The following DNPEP variants were observed in gnomAD, a reference collection of about 807,000 sequenced individuals.
The protein encoded by DNPEP is aspartyl aminopeptidase.
A neutral mutation model predicts 59.1 loss-of-function variants in DNPEP; 46 were observed. The ratio of observed to expected loss-of-function variants is 0.78; its 90% CI spans 0.61 to 0.99. The LOEUF is 0.99. Among genes scored for constraint, DNPEP ranks in the 50% least tolerant of loss-of-function variants. The pLI is 0.00. For synonymous variants in DNPEP, 229 were observed against 242.2 expected, an observed-to-expected ratio of 0.95 and a Z score of 0.50; for missense variants, 617 against 649.9, an observed-to-expected ratio of 0.95 and a Z score of 0.55.
At chr2:219,374,758 CCAGT>C in intron 14 of DNPEP, 93 bp downstream of exon 14, 1 of 1,420,824 alleles carries the variant, frequency 7.0e-7, no homozygotes, top group Non-Finnish European at 9.6e-7. Flanking sequence ...ATTACTCAGG[CCAGT>C]CACTTTGTGA....
At position 219,382,111 on chromosome 2, in the gene DNPEP, T is replaced by A. The variant is rs570417572; in HGVS notation, c.965A>T (p.Gln322Leu). The change falls in exon 11 of 15, where the codon CAG becomes CTG. Residue 322 changes from glutamine (Q) to leucine (L), a missense_variant. Coordinates refer to ENST00000273075, the MANE Select transcript of DNPEP (RefSeq NM_012100.4). ...EVGSESAQGA[Q>L]SLLTELVLRR... ...CAGCACCAGCTCTGTCAGCAGTGAC[T>A]GTGCTCCCTGTGCACTCTCAGACCC... 3.7e-6 allele frequency: 6 copies of A among 1,612,530 alleles called. No individual in the cohort carries two copies. In the African/African-American group the frequency reaches 8.0e-5, roughly 21 times the overall value.
chr2:219,381,000 G>A (rs960993774), intron 13 of DNPEP, among the ~76,000 whole-genome samples: 2 of 152,160 alleles, frequency 1.3e-5, no homozygotes, highest in African/African-American at 4.8e-5. Flanking sequence ...TGGGGGTGCT[G>A]CAGGGAAAGA....
chr2:219,374,017 C>A lies in DNPEP; in HGVS notation c.*275G>T. 1 of 431,786 alleles carries A rather than the reference C, an allele frequency of 2.3e-6. No individual in the cohort carries two copies. The highest frequency in any genetic ancestry group is 4.2e-6 in the Non-Finnish European group (1 of 238,280). The allele number at this position is 431,786 out of a possible 1,614,324, so 26.7% of individuals were successfully genotyped here. A position where few individuals can be genotyped will look rare whatever the true frequency, so the allele number is the denominator to read the frequency against. ...CTTCTGCTTGAGGATCCAGTCCACCCTTCACCCACTTCAGACATGGACTTG... is the reference window on the plus strand; with the variant it reads ...CTTCTGCTTGAGGATCCAGTCCACCATTCACCCACTTCAGACATGGACTTG... On this transcript the variant is annotated 3_prime_UTR_variant, in exon 15 of 15. Coordinates refer to ENST00000273075, the MANE Select transcript of DNPEP (RefSeq NM_012100.4).
intron 11 of DNPEP, 172 bp downstream of exon 11, chr2:219,381,807 C>T: frequency 1.1e-6 from 1 of 893,604 alleles, no homozygotes; most frequent in East Asian, 2.6e-5. Flanking sequence ...TTAGGCATTG[C>T]ATGACTTTGA....
At chr2:219,374,371 A>G (rs764415458) in intron 14 of DNPEP, 29 bp from the exon 15 acceptor site, 17 of 1,605,266 alleles carry the variant, frequency 1.1e-5, no homozygotes. Flanking sequence ...TGGAGTTTGG[A>G]ATTAGTGAGT....
At chr2:219,380,991 G>T (rs921920085) in intron 13 of DNPEP, among the ~76,000 whole-genome samples, 1 of 150,256 alleles carries the variant, frequency 6.7e-6, no homozygotes, top group Admixed American at 6.6e-5. Flanking sequence ...CAGGGGAAGT[G>T]GGGGTGCTGC....
In DNPEP at chr2:219,373,889, C is replaced by CAGGA. The variant is rs1574965549; in HGVS notation, c.*399_*402dup. On this transcript the variant is annotated 3_prime_UTR_variant, in exon 15 of 15. Transcript: ENST00000273075. Reference sequence around the variant, plus strand: ...GCTCTGAAGGTGGCCCAGTGCAGAACAGGATCTCTGAAGGCAGAGCGGGAC... The same window carrying CAGGA: ...GCTCTGAAGGTGGCCCAGTGCAGAACAGGAAGGATCTCTGAAGGCAGAGCGGGAC... 9.3e-6 allele frequency: 2 copies of CAGGA among 215,780 alleles called. No individual in the cohort carries two copies. The highest frequency in any genetic ancestry group is 2.1e-4 in the East Asian group (2 of 9,378). 13.4% of individuals were successfully genotyped at this position (215,780 alleles called of 1,614,324 possible).
At chr2:219,379,251 A>G (rs74347972) in intron 13 of DNPEP, among the ~76,000 whole-genome samples, 7 of 139,438 alleles carry the variant, frequency 5.0e-5, no homozygotes, top group Admixed American at 2.8e-4. Flanking sequence ...TACTTATTAG[A>G]AAAAAAAAAA....
chr2:219,383,166 G>A lies in DNPEP; in HGVS notation c.901C>T (p.His301Tyr). Reference sequence around the variant, plus strand: ...TCATAGAGTGTGACCATGCGCACGTGAGGCTCTGTGGCCAGGGAGCCAGGG... The same window carrying A: ...TCATAGAGTGTGACCATGCGCACGTAAGGCTCTGTGGCCAGGGAGCCAGGG... Reference protein sequence around the residue: ...AGPGSLATEPHVRMVTLYDNE... With the variant: ...AGPGSLATEPYVRMVTLYDNE... Residue 301 changes from histidine (H) to tyrosine (Y), a missense_variant, in exon 10 of 15, where the codon CAC becomes TAC. Transcript: ENST00000273075. The A allele has an allele frequency of 1.2e-6, 2 of 1,614,214 alleles. No homozygotes were observed. Among genetic ancestry groups the A allele is most frequent in the East Asian group, 2.2e-5 (1 of 44,878 alleles).
At chr2:219,380,194 TTTC>T (rs1953530580) in intron 13 of DNPEP, among the ~76,000 whole-genome samples, 1 of 123,168 alleles carries the variant, frequency 8.1e-6, no homozygotes, top group Non-Finnish European at 1.6e-5. Flanking sequence ...AACTTTTCTT[TTTC>T]TTTTCTTTTT....
At chr2:219,386,243 A>G (rs1574989216) in intron 5 of DNPEP, 43 bp downstream of exon 5, 1 of 1,613,586 alleles carries the variant, frequency 6.2e-7, no homozygotes. Flanking sequence ...TGTGGCAGTC[A>G]GTCTTCTGAG....
chr2:219,380,842 T>TACACACACACACACACACACACAC (rs58867229), intron 13 of DNPEP, among the ~76,000 whole-genome samples: 19,277 of 145,550 alleles, frequency 0.13, 1,428 homozygotes, highest in Middle Eastern at 0.16. Flanking sequence ...CATATATATG[T>TACACACACACACACACACACACAC]ACACACACAC....
chr2:219,384,549 C>A (rs1233236946), intron 8 of DNPEP, 106 bp from the exon 9 acceptor site: 6 of 868,310 alleles, frequency 6.9e-6, no homozygotes, highest in Non-Finnish European at 1.1e-5. Flanking sequence ...CTCCCTGACC[C>A]CTGGCTTAGG....
intron 1 of DNPEP, among the ~76,000 whole-genome samples, chr2:219,393,910 T>A (rs1425688313): frequency 6.6e-6 from 1 of 152,148 alleles, no homozygotes; most frequent in African/African-American, 2.4e-5. Flanking sequence ...TGCACAAGAT[T>A]CCACCCCTCT....
intron 10 of DNPEP, among the ~76,000 whole-genome samples, chr2:219,382,424 ATTTTC>A (rs974332000): frequency 4.7e-4 from 71 of 152,216 alleles, no homozygotes; most frequent in African/African-American, 1.7e-3. Context: ...ACACTGGTCA[ATTTTC>A]TTTTATGTGT....
chr2:219,388,036 C>A, upstream of DNPEP: 2 of 914,794 alleles, frequency 2.2e-6, no homozygotes, highest in Admixed American at 4.6e-5. Flanking sequence ...CGCTCCGCCC[C>A]TCGCTGGGCA....
At chr2:219,386,590 G>T in intron 4 of DNPEP, 75 bp downstream of exon 4, 1 of 1,475,966 alleles carries the variant, frequency 6.8e-7, no homozygotes, top group Non-Finnish European at 9.3e-7. Flanking sequence ...GCCCCAGTTT[G>T]TACCTCCTAG....
chr2:219,383,341 G>A, intron 9 of DNPEP, 127 bp from the exon 10 acceptor site: 1 of 720,680 alleles, frequency 1.4e-6, no homozygotes, highest in Non-Finnish European at 2.4e-6. Flanking sequence ...TCCCCTGTCT[G>A]CCTTCCATGG....
rs1158456579 is a variant in DNPEP, at chr2:219,373,363, T to C, written c.*929A>G. ...GACTACAGGCATGACCCATCACGCC[T>C]GGCCTTTTTTCTCTGAGACAGAGCC... On this transcript the variant is annotated 3_prime_UTR_variant, in exon 15 of 15. Coordinates refer to ENST00000273075, the MANE Select transcript of DNPEP (RefSeq NM_012100.4). Among the ~76,000 whole-genome samples, 12 of 151,952 alleles carry C rather than the reference T, an allele frequency of 7.9e-5. No homozygotes were observed. Among genetic ancestry groups the C allele is most frequent in the Non-Finnish European group, 4.4e-5 (3 of 67,970 alleles).
Sources: allele counts gnomAD v4.1 joint callset (sites outside exome capture counted in the v4.1 genomes callset), GRCh38; gene constraint gnomAD v4.1.1; transcripts MANE v1.5; gene names NCBI Gene and HGNC (gene_info 2026-07-23, HGNC 2026-07-21).